Variants in ME3 observed in about 807,000 individuals in gnomAD.
The protein encoded by ME3 is malic enzyme 3.
A neutral mutation model predicts 68.9 loss-of-function variants in ME3; 48 were observed. The observed-to-expected ratio is 0.70, with a 90% CI of 0.55 to 0.89. The LOEUF (loss-of-function observed/expected upper bound fraction) is 0.89. ME3 is among the 40% of genes least tolerant of loss of function. ME3 has a pLI of 0.00. For missense variants in ME3, 675 were observed against 797.4 expected (o/e 0.85, Z 1.85); for synonymous variants, 320 against 318.8 (o/e 1.00, Z -0.04).
Position 86,498,440 on chromosome 11 carries a change from A to C in ME3, c.544-316T>G, listed in dbSNP as rs542910780. Among the ~76,000 whole-genome samples the C allele has an allele frequency of 2.6e-5, 4 of 152,290 alleles. No homozygotes were observed. The South Asian group carries it at 8.3e-4, about 32-fold the overall frequency. ...CACTTCACTCTCCCTCAAGGAAACT[A>C]AATAGACACTCTCAGCCTGAGACTC... is the stretch of plus-strand genomic sequence containing the variant. On this transcript the variant is annotated intron_variant, in intron 5 of 14. Transcript: ENST00000543262.
intron 2 of ME3, among the ~76,000 whole-genome samples, chr11:86,611,432 A>T (rs2135196447): frequency 6.6e-6 from 1 of 152,236 alleles, no homozygotes; most frequent in Non-Finnish European, 1.5e-5. Flanking sequence ...GTAGATCTTA[A>T]GTGTTCTCAA....
rs572339774 is a variant in ME3, at chr11:86,509,470, A to G, written c.468-603T>C. On this transcript the variant is annotated intron_variant, in intron 4 of 14. Coordinates refer to ENST00000543262, the Ensembl canonical transcript of ME3. ...ATGGGGTTTGGTCAAGAGCAGACAG[A>G]TATTGGAGGGGAATCAAGCTTTGAA... Among the ~76,000 whole-genome samples, 5 of 152,260 alleles carry G rather than the reference A, an allele frequency of 3.3e-5. No homozygotes were observed. In the South Asian group the frequency reaches 6.2e-4, roughly 19 times the overall value.
chr11:86,547,925 A>C (rs1286270553), intron 4 of ME3, among the ~76,000 whole-genome samples: 2 of 152,256 alleles, frequency 1.3e-5, no homozygotes, highest in African/African-American at 4.8e-5. Flanking sequence ...CAGTTTGTTT[A>C]AATTGCCAGG....
intron 4 of ME3, among the ~76,000 whole-genome samples, chr11:86,554,512 T>G (rs1249409266): frequency 4.6e-5 from 7 of 152,254 alleles, no homozygotes; most frequent in South Asian, 4.1e-4. Context: ...ATTCTACATC[T>G]ATCAATCCTT....
intron 7 of ME3, among the ~76,000 whole-genome samples, chr11:86,468,822 T>G (rs1565820086): frequency 6.6e-6 from 1 of 152,232 alleles, no homozygotes; most frequent in African/African-American, 2.4e-5. Context: ...TATCTAGTGT[T>G]TATTACCTGC....
At chr11:86,471,976 A>G (rs1413214624) in intron 7 of ME3, among the ~76,000 whole-genome samples, 1 of 152,226 alleles carries the variant, frequency 6.6e-6, no homozygotes, top group East Asian at 1.9e-4. Context: ...GTACATGGGA[A>G]GCCTCAAAGA....
intron 4 of ME3, among the ~76,000 whole-genome samples, chr11:86,530,692 C>T (rs1394540773): frequency 6.6e-6 from 1 of 152,156 alleles, no homozygotes; most frequent in Non-Finnish European, 1.5e-5. Context: ...AGAAATAATG[C>T]TGCTTATCTA....
intron 2 of ME3, among the ~76,000 whole-genome samples, chr11:86,653,446 C>G (rs189285736): frequency 6.6e-6 from 1 of 152,328 alleles, no homozygotes; most frequent in African/African-American, 2.4e-5. Context: ...GAAACTCTCT[C>G]AAAACTGCTC....
intron 7 of ME3, among the ~76,000 whole-genome samples, chr11:86,485,166 T>C (rs1362288899): frequency 2.0e-5 from 3 of 152,208 alleles, no homozygotes; most frequent in Admixed American, 1.3e-4. Context: ...TTCTTTTCCA[T>C]GTAGATACAT....
chr11:86,554,917 A>G (rs1382087677), intron 4 of ME3, among the ~76,000 whole-genome samples: 2 of 152,226 alleles, frequency 1.3e-5, no homozygotes, highest in Non-Finnish European at 2.9e-5. Context: ...AAAAACAAAA[A>G]GAAAACTATG....
Position 86,441,471 on chromosome 11 carries a change from G to A in ME3, c.1654-31C>T, listed in dbSNP as rs563658118. The stretch of plus-strand genomic sequence containing the variant: ...GAAAAACATGTTTGGCTAAGGAACC[G>A]GATCTAAGGGGAAACCTGCTTAAGG... On this transcript the variant is annotated intron_variant, in intron 14 of 14. Transcript: ENST00000543262. 40 of 1,545,294 alleles carry A rather than the reference G, an allele frequency of 2.6e-5. No homozygotes were observed. The East Asian group carries it at 7.3e-4, about 28-fold the overall frequency.
rs145661164 is a variant in ME3, at chr11:86,577,004, C to T, written c.184-17181G>A. On this transcript the variant is annotated intron_variant, in intron 2 of 14. Transcript: ENST00000543262. Reference sequence around the variant, plus strand: ...TCTGCCATCTTTCCTTTCAAATAATCAGCCAAGTCCCCTGGATTCCTGTTG... The same window carrying T: ...TCTGCCATCTTTCCTTTCAAATAATTAGCCAAGTCCCCTGGATTCCTGTTG... Among the ~76,000 whole-genome samples, 592 of 152,274 alleles carry T rather than the reference C, an allele frequency of 3.9e-3. 5 individuals are homozygous for T. Among genetic ancestry groups the T allele is most frequent in the African/African-American group, 0.014 (578 of 41,554 alleles).
intron 4 of ME3, among the ~76,000 whole-genome samples, chr11:86,552,216 CTGAGGAGGT>C (rs1214941295): frequency 1.3e-5 from 2 of 152,070 alleles, no homozygotes; most frequent in Non-Finnish European, 2.9e-5. Flanking sequence ...CATGAGGAGG[CTGAGGAGGT>C]GCTAAATTAA....
chr11:86,497,824 G>T, intron 6 of ME3, 139 bp downstream of exon 6: 1 of 995,274 alleles, frequency 1.0e-6, no homozygotes, highest in Non-Finnish European at 1.5e-6. Flanking sequence ...ACTGTGTAGG[G>T]GGAATGCCCT....
intron 2 of ME3, among the ~76,000 whole-genome samples, chr11:86,656,076 A>C (rs1443872278): frequency 6.0e-5 from 9 of 151,078 alleles, no homozygotes; most frequent in African/African-American, 1.9e-4. Context: ...TTAGAATGGC[A>C]ATCATTCAAA....
At chr11:86,648,344 G>A (rs1245703640) in intron 2 of ME3, among the ~76,000 whole-genome samples, 1 of 152,114 alleles carries the variant, frequency 6.6e-6, no homozygotes, top group Non-Finnish European at 1.5e-5. Context: ...AGGAAAATTT[G>A]TAGCCCTAAA....
intron 4 of ME3, among the ~76,000 whole-genome samples, chr11:86,511,774 G>C (rs1953545051): frequency 2.0e-5 from 3 of 152,066 alleles, no homozygotes; most frequent in Admixed American, 6.5e-5. Context: ...CAAGATTTTT[G>C]ACTTCCCTAG....
intron 4 of ME3, among the ~76,000 whole-genome samples, chr11:86,521,546 C>T (rs1290550469): frequency 6.6e-6 from 1 of 151,814 alleles, no homozygotes; most frequent in Admixed American, 6.6e-5. Context: ...CGTAAAGGAG[C>T]CTCTCTTTAA....
intron 4 of ME3, among the ~76,000 whole-genome samples, chr11:86,527,655 C>T (rs1954865524): frequency 6.6e-6 from 1 of 152,206 alleles, no homozygotes; most frequent in Non-Finnish European, 1.5e-5. Flanking sequence ...AACAGCTGAT[C>T]TCTTGGCAGA....
Sources: gnomAD v4.1 joint callset for allele counts (sites outside exome capture counted in the v4.1 genomes callset) on GRCh38, gnomAD v4.1.1 for gene constraint, MANE v1.5 for transcripts, NCBI Gene and HGNC (gene_info 2026-07-23, HGNC 2026-07-21) for gene names.